Variants in GLYR1 observed in about 807,000 individuals in gnomAD.
GLYR1 encodes the protein glyoxylate reductase 1 homolog.
In GLYR1, 21 loss-of-function variants were observed where a neutral mutation model predicts 72.7. That is an observed-to-expected ratio of 0.29 (90% CI 0.20 to 0.42). The LOEUF is 0.42. GLYR1 is among the 10% of genes least tolerant of loss of function. GLYR1 has a pLI of 1.00. For synonymous variants in GLYR1, 392 were observed against 270.2 expected, an observed-to-expected ratio of 1.45 and a Z score of -4.42; for missense variants, 594 against 712.1, an observed-to-expected ratio of 0.83 and a Z score of 1.89.
At chr16:4,837,144 C>T (rs942801609) in intron 3 of GLYR1, among the ~76,000 whole-genome samples, 1 of 152,186 alleles carries the variant, frequency 6.6e-6, no homozygotes, top group African/African-American at 2.4e-5. Context: ...AAATGAAAAT[C>T]ATACATGTAG....
intron 15 of GLYR1, among the ~76,000 whole-genome samples, chr16:4,806,949 G>A (rs2083019700): frequency 1.3e-5 from 2 of 151,206 alleles, no homozygotes; most frequent in African/African-American, 2.4e-5. Context: ...TGGGACTACA[G>A]GCGCCCGCCA....
intron 8 of GLYR1, 41 bp from the exon 9 acceptor site, chr16:4,821,494 C>G: frequency 1.2e-6 from 2 of 1,613,864 alleles, no homozygotes; most frequent in Non-Finnish European, 1.7e-6. Flanking sequence ...AGTCTGCCTG[C>G]AGTTTAAGGC....
At chr16:4,822,810 C>T in intron 7 of GLYR1, 65 bp downstream of exon 7, 1 of 1,350,746 alleles carries the variant, frequency 7.4e-7, no homozygotes, top group African/African-American at 1.4e-5. Context: ...CAGGCCAGGA[C>T]CCAGTGGAGG....
intron 5 of GLYR1, among the ~76,000 whole-genome samples, chr16:4,828,373 T>G (rs1482405283): frequency 6.6e-6 from 1 of 152,072 alleles, no homozygotes; most frequent in Non-Finnish European, 1.5e-5. Context: ...CCGGCAAAGG[T>G]ATGTACATTT....
chr16:4,830,525 G>C (rs2084728118), intron 5 of GLYR1, among the ~76,000 whole-genome samples: 1 of 152,118 alleles, frequency 6.6e-6, no homozygotes, highest in East Asian at 1.9e-4. Context: ...TGCTTCTTAG[G>C]TCCAGTCAGC....
At chr16:4,840,777 C>G (rs1473160028) in intron 3 of GLYR1, among the ~76,000 whole-genome samples, 1 of 152,116 alleles carries the variant, frequency 6.6e-6, no homozygotes, top group Non-Finnish European at 1.5e-5. Flanking sequence ...AAGGTGGAAC[C>G]GGTACCTGAA....
Position 4,832,105 on chromosome 16 carries a change from C to T in GLYR1, c.411G>A (p.Lys137=). ...RKLSLSEGKV[K]KNMGEGKKRV... Reference sequence around the variant, plus strand: ...TCTTCTTTCCTTCTCCCATGTTCTTCTTCACCTTCCCTTCAGACAGGCTAA... The same window carrying T: ...TCTTCTTTCCTTCTCCCATGTTCTTTTTCACCTTCCCTTCAGACAGGCTAA... The change falls in exon 5 of 16, where the codon AAG becomes AAA. Residue 137 remains lysine (K), a synonymous_variant. Coordinates refer to ENST00000321919, the MANE Select transcript of GLYR1 (RefSeq NM_032569.4). 6.2e-7 allele frequency: 1 copy of T among 1,614,220 alleles called. No homozygotes were observed. The highest frequency in any genetic ancestry group is 8.5e-7 in the Non-Finnish European group (1 of 1,180,044).
intron 3 of GLYR1, among the ~76,000 whole-genome samples, chr16:4,837,913 G>C (rs920477683): frequency 1.3e-5 from 2 of 151,234 alleles, no homozygotes; most frequent in Non-Finnish European, 2.9e-5. Flanking sequence ...CCTGGCGACA[G>C]AGCGAGACTC....
intron 9 of GLYR1, among the ~76,000 whole-genome samples, chr16:4,818,793 C>T (rs2083815889): frequency 6.6e-6 from 1 of 152,206 alleles, no homozygotes; most frequent in African/African-American, 2.4e-5. Flanking sequence ...AAGTCCTTCA[C>T]CTGAGCTTGG....
Position 4,821,389 on chromosome 16 carries a change from G to A in GLYR1, c.797C>T (p.Thr266Ile). 1 of 1,613,110 alleles carries A rather than the reference G, an allele frequency of 6.2e-7. No homozygotes were observed. ...STAVNGSITPTDKKIGFLGLG... is the reference protein window; with the variant it reads ...STAVNGSITPIDKKIGFLGLG... ...TCATCAAAGGTCCTACTTTTTGTCTGTGGGTGTGATGCTGCCATTCACGGC... is the reference window on the plus strand; with the variant it reads ...TCATCAAAGGTCCTACTTTTTGTCTATGGGTGTGATGCTGCCATTCACGGC... The change falls in exon 9 of 16, where the codon ACA (threonine) becomes ATA (isoleucine). Residue 266 changes from threonine (T) to isoleucine (I), a missense_variant. This residue lies in a region of GLYR1 where 266 missense variants were observed against 358.4 expected (regional missense o/e 0.74). Coordinates refer to ENST00000321919, the MANE Select transcript of GLYR1 (RefSeq NM_032569.4).
chr16:4,818,177 T>C (rs1011281578), intron 9 of GLYR1, among the ~76,000 whole-genome samples: 1 of 152,186 alleles, frequency 6.6e-6, no homozygotes, highest in Admixed American at 6.5e-5. Context: ...GTATTTTTAG[T>C]AGAGACAGGG....
rs939726996 is a variant in GLYR1 at position 4,812,233 on chromosome 16, C to A, written c.1135G>T (p.Gly379Trp). The change falls in exon 13 of 16, where the codon GGG becomes TGG. Residue 379 changes from glycine (G) to tryptophan (W), a missense_variant. By Grantham distance (184) the Gly-to-Trp change is radical. Around this residue, in one of 5 missense-constraint regions of GLYR1, gnomAD observed 266 missense variants for 358.4 expected, o/e 0.74. Coordinates refer to ENST00000321919, the MANE Select transcript of GLYR1 (RefSeq NM_032569.4). ...ACGGGGGCTTCCAGAAAGCGCCCCC[C>A]CCTGGACACAATCACCTGGAAAGAA... Reference protein sequence around the residue: ...TELAQVIVSRGGRFLEAPVSG... With the variant: ...TELAQVIVSRWGRFLEAPVSG... 5 of 1,612,958 alleles carry A rather than the reference C, an allele frequency of 3.1e-6. No individual in the cohort carries two copies. Among genetic ancestry groups the A allele is most frequent in the African/African-American group, 1.3e-5 (1 of 74,858 alleles).
At chr16:4,844,775 G>A (rs942412372) in intron 3 of GLYR1, among the ~76,000 whole-genome samples, 2 of 152,176 alleles carry the variant, frequency 1.3e-5, no homozygotes, top group African/African-American at 4.8e-5. Context: ...AAACAAAAAG[G>A]AACTGCCTTT....
chr16:4,830,839 C>CGGCATTCTTGTGGCA, intron 5 of GLYR1, among the ~76,000 whole-genome samples: 1 of 152,194 alleles, frequency 6.6e-6, no homozygotes. Flanking sequence ...GCCCCAAGCA[C>CGGCATTCTTGTGGCA]GGCATTCTTG....
chr16:4,840,322 G>A (rs1283176793), intron 3 of GLYR1: 2 of 152,210 alleles, frequency 1.3e-5, no homozygotes, highest in Non-Finnish European at 2.9e-5. Context: ...GTCTGACTCA[G>A]TTCCCTTTTC....
chr16:4,818,458 T>G (rs947218846), intron 9 of GLYR1, among the ~76,000 whole-genome samples: 2 of 152,014 alleles, frequency 1.3e-5, no homozygotes, highest in African/African-American at 4.8e-5. Context: ...GCACACCTAA[T>G]TTTTTGTGGA....
At chr16:4,820,885 G>A (rs1038037484) in intron 9 of GLYR1, among the ~76,000 whole-genome samples, 1 of 152,198 alleles carries the variant, frequency 6.6e-6, no homozygotes, top group African/African-American at 2.4e-5. Context: ...GCCAGCAAGT[G>A]CTCAGTGAGG....
intron 2 of GLYR1, among the ~76,000 whole-genome samples, chr16:4,845,966 G>C (rs1198971503): frequency 6.6e-6 from 1 of 152,112 alleles, no homozygotes; most frequent in African/African-American, 2.4e-5. Context: ...TCTAAATCCA[G>C]AAATAAGGGT....
chr16:4,842,249 A>C (rs1355366543), intron 3 of GLYR1, among the ~76,000 whole-genome samples: 1 of 150,244 alleles, frequency 6.7e-6, no homozygotes, highest in African/African-American at 2.5e-5. Flanking sequence ...GTTTCAAAAA[A>C]AAAAAAACAA....
Sources: allele counts gnomAD v4.1 joint callset (sites outside exome capture counted in the v4.1 genomes callset), GRCh38; gene constraint gnomAD v4.1.1; regional missense constraint gnomAD v4.1.1; transcripts MANE v1.5; gene names NCBI Gene and HGNC (gene_info 2026-07-23, HGNC 2026-07-21).